Variants in SMARCAL1 observed in about 807,000 individuals in gnomAD.
The protein encoded by SMARCAL1 is SNF2 related chromatin remodeling annealing helicase 1.
SMARCAL1 carries 58 observed loss-of-function variants against 94.5 expected under a neutral mutation model. The ratio of observed to expected loss-of-function variants is 0.61; its 90% confidence interval spans 0.50 to 0.76. The LOEUF is 0.76. Among genes scored for constraint, SMARCAL1 ranks in the 30% least tolerant of loss-of-function variants. SMARCAL1 has a pLI of 0.00. For missense variants in SMARCAL1, 1,051 were observed against 1,177.9 expected (o/e 0.89, Z 1.58); for synonymous variants, 422 against 455.1 (o/e 0.93, Z 0.93).
At chr2:216,444,750 C>T (rs965487660) in intron 10 of SMARCAL1, among the ~76,000 whole-genome samples, 3 of 152,224 alleles carry the variant, frequency 2.0e-5, no homozygotes, top group African/African-American at 7.2e-5. Flanking sequence ...CTCCTGACCT[C>T]AGGTGATCCG....
chr2:216,431,311 G>A (rs148409220), intron 7 of SMARCAL1, among the ~76,000 whole-genome samples: 16 of 152,372 alleles, frequency 1.1e-4, no homozygotes, highest in African/African-American at 3.8e-4. Context: ...GAGAAGGAAA[G>A]AGAAAGAACT....
chr2:216,470,649 T>G (rs911336062), intron 14 of SMARCAL1, among the ~76,000 whole-genome samples: 3 of 151,732 alleles, frequency 2.0e-5, no homozygotes, highest in Non-Finnish European at 4.4e-5. Context: ...CACCACGCCT[T>G]GCAAATTTTT....
At chr2:216,430,886 C>A in intron 7 of SMARCAL1, among the ~76,000 whole-genome samples, 1 of 152,224 alleles carries the variant, frequency 6.6e-6, no homozygotes, top group East Asian at 1.9e-4. Context: ...CACCTGCCCT[C>A]CCCCCATCTG....
intron 12 of SMARCAL1, among the ~76,000 whole-genome samples, chr2:216,459,083 A>G (rs1011526060): frequency 2.0e-5 from 3 of 152,180 alleles, no homozygotes; most frequent in Admixed American, 1.3e-4. Flanking sequence ...CCCATTCACA[A>G]TTGCTTCAAA....
In SMARCAL1 at chr2:216,450,908, G is replaced by C; in HGVS notation, c.1914G>C (p.Glu638Asp). The C allele has an allele frequency of 6.2e-7, 1 of 1,614,258 alleles. No homozygotes were observed. The highest frequency in any genetic ancestry group is 8.5e-7 in the Non-Finnish European group (1 of 1,180,038). The part of the protein sequence containing the change: ...SNLGELKLLL[E>D]EAVMLRRLKS... ...TGGGAGAGCTGAAGCTCCTGCTGGA[G>C]GAAGCAGTCATGCTGCGGCGCCTCA... Residue 638 changes from glutamate (E) to aspartate (D), a missense_variant, in exon 12 of 18, where the codon GAG (glutamate) becomes GAC (aspartate). Physicochemically the swap from Glu to Asp is conservative, Grantham distance 45. This residue lies in a region of SMARCAL1 where 642 missense variants were observed against 754.7 expected (regional missense o/e 0.85). Coordinates refer to ENST00000357276, the MANE Select transcript of SMARCAL1 (RefSeq NM_014140.4).
chr2:216,469,123 C>T (rs142182579), intron 14 of SMARCAL1, among the ~76,000 whole-genome samples: 137 of 152,198 alleles, frequency 9.0e-4, no homozygotes, highest in African/African-American at 3.2e-3. Context: ...CAATGGGTAT[C>T]CTTGCCCTCC....
chr2:216,424,911 G>A (rs1484616722), intron 6 of SMARCAL1, among the ~76,000 whole-genome samples: 1 of 152,110 alleles, frequency 6.6e-6, no homozygotes, highest in Non-Finnish European at 1.5e-5. Context: ...GGAATTATTT[G>A]GCAAAATCTG....
rs1693561247 is a variant in SMARCAL1 at position 216,415,194 on chromosome 2, C to G, written c.490C>G (p.His164Asp). 1 of 1,613,996 alleles carries G rather than the reference C, an allele frequency of 6.2e-7. No individual in the cohort carries two copies. The change falls in exon 3 of 18, where the codon CAT becomes GAT. Residue 164 changes from histidine to aspartate, a missense_variant. Transcript: ENST00000357276. ...IRFTPFANPTHKPLAKPKSSQ... is the reference protein window; with the variant it reads ...IRFTPFANPTDKPLAKPKSSQ... ...GTTCACACCCTTTGCTAACCCAACT[C>G]ATAAGCCTCTGGCCAAACCAAAGAG...
chr2:216,463,096 A>G (rs1694742255), intron 12 of SMARCAL1, among the ~76,000 whole-genome samples: 1 of 152,224 alleles, frequency 6.6e-6, no homozygotes, highest in African/African-American at 2.4e-5. Flanking sequence ...TGAGTTATCA[A>G]GATCTCAAGA....
intron 14 of SMARCAL1, among the ~76,000 whole-genome samples, chr2:216,474,687 C>T (rs771407230): frequency 3.4e-4 from 51 of 151,936 alleles, no homozygotes; most frequent in Non-Finnish European, 5.9e-4. Flanking sequence ...CCCCAGGGGG[C>T]GGAGGTTGCC....
At chr2:216,474,422 G>A (rs1695028178) in intron 14 of SMARCAL1, among the ~76,000 whole-genome samples, 1 of 142,612 alleles carries the variant, frequency 7.0e-6, no homozygotes, top group Non-Finnish European at 1.5e-5. Context: ...TTACAGGCAT[G>A]AGCCACTGTG....
intron 14 of SMARCAL1, among the ~76,000 whole-genome samples, chr2:216,471,810 T>G (rs1005540205): frequency 1.3e-5 from 2 of 152,226 alleles, no homozygotes; most frequent in Non-Finnish European, 2.9e-5. Flanking sequence ...ATATTAGTCA[T>G]GCTGTTTATA....
Position 216,412,593 on chromosome 2 carries a change from T to G in SMARCAL1, c.-151T>G, listed in dbSNP as rs909959591. 2 of 152,388 alleles carry G rather than the reference T, an allele frequency of 1.3e-5. No individual in the cohort carries two copies. Among genetic ancestry groups the G allele is most frequent in the African/African-American group, 4.8e-5 (2 of 41,464 alleles). 9.4% of individuals were successfully genotyped at this position (152,388 alleles called of 1,614,324 possible). A position where few individuals can be genotyped will look rare whatever the true frequency, so the allele number is the denominator to read the frequency against. ...CGGTCCCGCTCGGGAGGCTCTGCAG[T>G]CGCGCCTGGGGTCAGGGCCGGGGGC... On this transcript the variant is annotated 5_prime_UTR_variant, in exon 1 of 18. Transcript: ENST00000357276.
chr2:216,423,036 A>G (rs1446498616), intron 5 of SMARCAL1, among the ~76,000 whole-genome samples: 1 of 152,220 alleles, frequency 6.6e-6, no homozygotes, highest in Non-Finnish European at 1.5e-5. Context: ...GTAAACAGTA[A>G]CCTGTGAGGT....
intron 10 of SMARCAL1, 34 bp from the exon 11 acceptor site, chr2:216,446,984 G>A (rs1358313231): frequency 1.2e-6 from 2 of 1,613,636 alleles, no homozygotes; most frequent in Non-Finnish European, 1.7e-6. Context: ...GCTCCTCCCT[G>A]TGTTCAGAGC....
chr2:216,436,600 G>A (rs916388023), intron 9 of SMARCAL1, among the ~76,000 whole-genome samples: 7 of 152,190 alleles, frequency 4.6e-5, no homozygotes, highest in African/African-American at 1.7e-4. Context: ...ATGAGTCTTT[G>A]GGGGAGTCAT....
Position 216,445,475 on chromosome 2 carries a change from G to C in SMARCAL1, c.1711-1543G>C, listed in dbSNP as rs535825066. Among the ~76,000 whole-genome samples, 7 of 152,274 alleles carry C rather than the reference G, an allele frequency of 4.6e-5. No individual in the cohort carries two copies. The East Asian group carries it at 1.4e-3, about 29-fold the overall frequency. ...TACATCCTATAAGTATCTGACAGAA[G>C]ACCCTGGAGTTAATTTCCATCATCT... On this transcript the variant is annotated intron_variant, in intron 10 of 17. Transcript: ENST00000357276.
At position 216,428,710 on chromosome 2, in the gene SMARCAL1, C is replaced by T; in HGVS notation, c.1262C>T (p.Pro421Leu). 1 of 1,614,206 alleles carries T rather than the reference C, an allele frequency of 6.2e-7. No individual in the cohort carries two copies. The highest frequency in any genetic ancestry group is 8.5e-7 in the Non-Finnish European group (1 of 1,180,026). The change falls in exon 7 of 18, where the codon CCA becomes CTA. Residue 421 changes from proline (P) to leucine (L), a missense_variant. By Grantham distance (98) the Pro-to-Leu change is moderately conservative (BLOSUM62 -3). Transcript: ENST00000357276. ...KTSLSLTPDVPEADLSEVDPK... is the reference protein window; with the variant it reads ...KTSLSLTPDVLEADLSEVDPK... ...TCTCTCAGTCTCACGCCAGATGTCCCAGAGGCAGACCTTTCTGAAGTGGAC... is the reference window on the plus strand; with the variant it reads ...TCTCTCAGTCTCACGCCAGATGTCCTAGAGGCAGACCTTTCTGAAGTGGAC...
chr2:216,470,610 T>C (rs1694943396), intron 14 of SMARCAL1, among the ~76,000 whole-genome samples: 1 of 151,690 alleles, frequency 6.6e-6, no homozygotes, highest in Admixed American at 6.6e-5. Context: ...GCCTGAGCCT[T>C]CCCAGTAGCT....
Sources: gnomAD v4.1 joint callset for allele counts (sites outside exome capture counted in the v4.1 genomes callset) on GRCh38, gnomAD v4.1.1 for gene constraint, gnomAD v4.1.1 regional missense constraint, MANE v1.5 for transcripts, NCBI Gene and HGNC (gene_info 2026-07-23, HGNC 2026-07-21) for gene names.